The following HADH variants were observed in gnomAD, a reference collection of about 807,000 sequenced individuals.
HADH encodes the protein hydroxyacyl-CoA dehydrogenase.
HADH carries 24 observed loss-of-function variants against 32.2 expected under a neutral mutation model. That is an observed-to-expected ratio of 0.75 (90% CI 0.54 to 1.05). The LOEUF is 1.05. HADH is among the 50% of genes least tolerant of loss of function. The pLI is 0.00. For synonymous variants in HADH, 139 were observed against 152.5 expected (o/e 0.91, Z 0.65); for missense variants, 350 against 397.1 (o/e 0.88, Z 1.01).
chr4:108,014,575 A>G lies in HADH; in HGVS notation c.406A>G (p.Lys136Glu), dbSNP rs1262186453. ...AAACGAGCTCTTCAAAAGGCTGGAC[A>G]AGTTTGCTGCTGAGTATGTAACCTC... is the stretch of plus-strand genomic sequence containing the variant. ...VKNELFKRLDKFAAEHTIFAS... is the reference protein window; with the variant it reads ...VKNELFKRLDEFAAEHTIFAS... The change falls in exon 3 of 8, where the codon AAG becomes GAG. Residue 136 changes from lysine to glutamate, a missense_variant. Coordinates refer to ENST00000309522, the MANE Select transcript of HADH (RefSeq NM_005327.7). The G allele has an allele frequency of 1.2e-6, 2 of 1,612,904 alleles. No homozygotes were observed. Among genetic ancestry groups the G allele is most frequent in the African/African-American group, 1.3e-5 (1 of 74,682 alleles).
intron 1 of HADH, among the ~76,000 whole-genome samples, chr4:108,000,274 A>G (rs943034942): frequency 2.6e-5 from 4 of 152,240 alleles, no homozygotes; most frequent in African/African-American, 9.6e-5. Context: ...AAAATGTCAC[A>G]TGTACCCCAA....
chr4:107,994,115 G>A (rs1262903678), intron 1 of HADH, among the ~76,000 whole-genome samples: 1 of 152,128 alleles, frequency 6.6e-6, no homozygotes, highest in Non-Finnish European at 1.5e-5. Flanking sequence ...TCCCCCTTGA[G>A]ACACTTTACA....
At chr4:107,990,468 T>C (rs1288421785) in intron 1 of HADH, among the ~76,000 whole-genome samples, 1 of 152,218 alleles carries the variant, frequency 6.6e-6, no homozygotes, top group Non-Finnish European at 1.5e-5. Flanking sequence ...TGAACTGCGA[T>C]CAGTTTTAAT....
At chr4:108,014,935 C>T (rs1003507789) in intron 3 of HADH, among the ~76,000 whole-genome samples, 1 of 152,138 alleles carries the variant, frequency 6.6e-6, no homozygotes, top group Non-Finnish European at 1.5e-5. Context: ...GGCCTTCACT[C>T]CTGTTCATGT....
rs748945961 is a variant in HADH at position 108,027,758 on chromosome 4, G to A, written c.707G>A (p.Arg236Gln). ...ATGGAAGCAATCAGGCTGTATGAACGAGGTATCCTTCTGACCCAGGCCAGG... is the reference window on the plus strand; with the variant it reads ...ATGGAAGCAATCAGGCTGTATGAACAAGGTATCCTTCTGACCCAGGCCAGG... Reference protein sequence around the residue: ...YLMEAIRLYERGDASKEDIDT... With the variant: ...YLMEAIRLYEQGDASKEDIDT... Residue 236 changes from arginine to glutamine, a missense_variant and splice_region_variant, in exon 6 of 8, where the codon CGA (arginine) becomes CAA (glutamine). Transcript: ENST00000309522. The A allele has an allele frequency of 1.2e-5, 19 of 1,588,912 alleles. No homozygotes were observed. Among genetic ancestry groups the A allele is most frequent in the African/African-American group, 5.4e-5 (4 of 74,370 alleles).
intron 2 of HADH, among the ~76,000 whole-genome samples, chr4:108,011,406 A>G (rs1414684433): frequency 6.6e-6 from 1 of 152,204 alleles, no homozygotes; most frequent in African/African-American, 2.4e-5. Flanking sequence ...ACATGGCAGC[A>G]GGCAAGAGGG....
intron 6 of HADH, chr4:108,028,665 G>A: frequency 1.3e-5 from 5 of 391,136 alleles, no homozygotes; most frequent in Non-Finnish European, 2.2e-5. Context: ...CAACAGTTCT[G>A]GTTTATCTAT....
At position 107,994,680 on chromosome 4, in the gene HADH, C is replaced by T. The variant is rs144673716; in HGVS notation, c.132+4616C>T. On this transcript the variant is annotated intron_variant, in intron 1 of 7. Transcript: ENST00000309522. ...CTTATGGAGGGAATATTTGTACTCC[C>T]AGTTGTTACCTTCCTGCTGAAGGAC... Among the ~76,000 whole-genome samples, 144 of 152,262 alleles carry T rather than the reference C, an allele frequency of 9.5e-4. 1 individual carries two copies. Among genetic ancestry groups the T allele is most frequent in the African/African-American group, 3.2e-3 (135 of 41,544 alleles).
chr4:108,006,431 G>A lies in HADH; in HGVS notation c.133-3328G>A, dbSNP rs552601307. Among the ~76,000 whole-genome samples, 11 of 152,260 alleles carry A rather than the reference G, an allele frequency of 7.2e-5. No homozygotes were observed. The South Asian group carries it at 2.3e-3, about 32-fold the overall frequency. The stretch of plus-strand genomic sequence containing the variant: ...TGACTAGGCACCACCCCAGACTAGA[G>A]GAATTAGAATATCTGTAGGTGGGGC... On this transcript the variant is annotated intron_variant, in intron 1 of 7. Coordinates refer to ENST00000309522, the MANE Select transcript of HADH (RefSeq NM_005327.7).
intron 4 of HADH, among the ~76,000 whole-genome samples, chr4:108,022,201 ATGTGTGTG>A (rs56746496): frequency 9.3e-5 from 13 of 139,666 alleles, no homozygotes; most frequent in Admixed American, 7.8e-4. Context: ...GTGTGTGTGT[ATGTGTGTG>A]TGTGTGTGTG....
At chr4:108,030,042 C>T (rs759568049) in intron 6 of HADH, 1 of 152,366 alleles carries the variant, frequency 6.6e-6, no homozygotes, top group Non-Finnish European at 1.5e-5. Flanking sequence ...CAGGAGGGCT[C>T]TGCTGGCAAC....
chr4:108,032,168 G>T, intron 6 of HADH: 2 of 507,472 alleles, frequency 3.9e-6, no homozygotes, highest in Non-Finnish European at 7.3e-6. Context: ...TAATGCTTTG[G>T]AACAAAATTC....
chr4:107,993,015 C>T (rs1734858790), intron 1 of HADH, among the ~76,000 whole-genome samples: 1 of 152,218 alleles, frequency 6.6e-6, no homozygotes, highest in Non-Finnish European at 1.5e-5. Flanking sequence ...ACTTGGAAGG[C>T]TGTGGCAGAA....
At chr4:108,017,728 T>C (rs1056937126) in intron 3 of HADH, among the ~76,000 whole-genome samples, 5 of 152,202 alleles carry the variant, frequency 3.3e-5, no homozygotes, top group Admixed American at 6.5e-5. Flanking sequence ...CTAATTTTTG[T>C]ATTTTTAGTA....
At chr4:108,024,280 A>G (rs1735988414) in intron 5 of HADH, 1 of 152,254 alleles carries the variant, frequency 6.6e-6, no homozygotes, top group Non-Finnish European at 1.5e-5. Flanking sequence ...ATACTTATGC[A>G]TGACTTTGCA....
At chr4:108,033,132 C>G (rs759073625) in intron 6 of HADH, 44 bp from the exon 7 acceptor site, 25 of 912,810 alleles carry the variant, frequency 2.7e-5, no homozygotes, top group Non-Finnish European at 4.6e-5. Flanking sequence ...AGGGAGAATT[C>G]AAGGAAAGGT....
chr4:108,002,130 CAT>C (rs538731801), intron 1 of HADH, among the ~76,000 whole-genome samples: 10 of 152,162 alleles, frequency 6.6e-5, no homozygotes, highest in Non-Finnish European at 1.5e-4. Flanking sequence ...TCCCTTCTGC[CAT>C]ATGAGGACAC....
chr4:108,013,001 C>T (rs979148878), intron 2 of HADH, among the ~76,000 whole-genome samples: 2 of 152,180 alleles, frequency 1.3e-5, no homozygotes, highest in African/African-American at 2.4e-5. Context: ...TGCGCGATGT[C>T]GGCTCACTGC....
At chr4:107,999,582 A>C (rs550703834) in intron 1 of HADH, among the ~76,000 whole-genome samples, 1 of 152,224 alleles carries the variant, frequency 6.6e-6, no homozygotes, top group South Asian at 2.1e-4. Context: ...TAGCAACAAA[A>C]CCAGTCATGA....
Sources: allele counts gnomAD v4.1 joint callset (sites outside exome capture counted in the v4.1 genomes callset), GRCh38; gene constraint gnomAD v4.1.1; transcripts MANE v1.5; gene names NCBI Gene and HGNC (gene_info 2026-07-23, HGNC 2026-07-21).